Variants in MAP3K1 observed in about 807,000 individuals in gnomAD.
MAP3K1 encodes MAP/ERK kinase kinase 1.
In MAP3K1, 36 loss-of-function variants were observed where a neutral mutation model predicts 144.2. That is an observed-to-expected ratio of 0.25 (90% CI 0.19 to 0.33). The LOEUF is 0.33. Among genes scored for constraint, MAP3K1 ranks in the 10% least tolerant of loss-of-function variants. The probability of loss-of-function intolerance (pLI) is 1.00; values close to 1 mark genes in which losing one functional copy is unlikely to be tolerated. For missense variants in MAP3K1, 1,650 were observed against 1,881.9 expected, an observed-to-expected ratio of 0.88 and a Z score of 2.28; for synonymous variants, 718 against 688.7, an observed-to-expected ratio of 1.04 and a Z score of -0.67.
At chr5:56,852,497 G>GA (rs943444930) in intron 1 of MAP3K1, among the ~76,000 whole-genome samples, 2 of 152,108 alleles carry the variant, frequency 1.3e-5, no homozygotes, top group Non-Finnish European at 2.9e-5. Flanking sequence ...GGAATGTCTA[G>GA]AAACCAAAAC....
At chr5:56,827,770 A>AGG (rs1257884650) in intron 1 of MAP3K1, among the ~76,000 whole-genome samples, 1 of 152,100 alleles carries the variant, frequency 6.6e-6, no homozygotes, top group African/African-American at 2.4e-5. Context: ...AGGCTGAGGC[A>AGG]GGAGAATCAC....
chr5:56,864,915 G>C lies in MAP3K1; in HGVS notation c.1016G>C (p.Arg339Pro). Residue 339 changes from arginine to proline, a missense_variant, in exon 4 of 20, where the codon CGG becomes CCG. By Grantham distance (103) the Arg-to-Pro change is moderately radical. Coordinates refer to ENST00000399503, the MANE Select transcript of MAP3K1 (RefSeq NM_005921.2). ...GGAGACAGCCCAGACAATAAATACC[G>C]GGTGTTTATTGGGCCTCAGGTAGGA... is the stretch of plus-strand genomic sequence containing the variant. ...IGGDSPDNKY[R>P]VFIGPQNCSC... The C allele has an allele frequency of 6.2e-7, 1 of 1,613,884 alleles. No homozygotes were observed. Among genetic ancestry groups the C allele is most frequent in the Non-Finnish European group, 8.5e-7 (1 of 1,179,908 alleles).
intron 2 of MAP3K1, 81 bp from the exon 3 acceptor site, chr5:56,859,634 G>A: frequency 2.0e-6 from 2 of 1,001,478 alleles, no homozygotes; most frequent in South Asian, 1.4e-5. Flanking sequence ...CTCATTAAGT[G>A]TATTTCCTAG....
chr5:56,843,448 A>C (rs1318777272), intron 1 of MAP3K1, among the ~76,000 whole-genome samples: 1 of 152,210 alleles, frequency 6.6e-6, no homozygotes, highest in African/African-American at 2.4e-5. Flanking sequence ...ACCATTCCCC[A>C]GGCCCATTTA....
chr5:56,835,722 AAG>A (rs1491513939), intron 1 of MAP3K1, among the ~76,000 whole-genome samples: 20 of 152,036 alleles, frequency 1.3e-4, no homozygotes, highest in East Asian at 1.2e-3. Context: ...TTAAGATAAA[AAG>A]GGGGGGAATT....
At chr5:56,837,147 C>G (rs753070114) in intron 1 of MAP3K1, among the ~76,000 whole-genome samples, 1 of 151,652 alleles carries the variant, frequency 6.6e-6, no homozygotes, top group Non-Finnish European at 1.5e-5. Flanking sequence ...GAGCTAGTTC[C>G]CTTTCTTCCT....
At position 56,815,968 on chromosome 5, in the gene MAP3K1, A is replaced by G. The variant is rs2111728109; in HGVS notation, c.395A>G (p.Asp132Gly). The G allele has an allele frequency of 1.6e-6, 2 of 1,255,348 alleles. No individual in the cohort carries two copies. Among genetic ancestry groups the G allele is most frequent in the Non-Finnish European group, 2.0e-6 (2 of 1,001,484 alleles). The allele number at this position is 1,255,348 out of a possible 1,614,324, so 77.8% of individuals were successfully genotyped here. ...CTTACCGAGTCGGTGGCGGCGCCGGACAGCGGCGCCTCGAGTCCCGCAGCG... is the reference window on the plus strand; with the variant it reads ...CTTACCGAGTCGGTGGCGGCGCCGGGCAGCGGCGCCTCGAGTCCCGCAGCG... Reference protein sequence around the residue: ...AHLTESVAAPDSGASSPAAAE... With the variant: ...AHLTESVAAPGSGASSPAAAE... The change falls in exon 1 of 20, where the codon GAC becomes GGC. Residue 132 changes from aspartate (D) to glycine (G), a missense_variant. Coordinates refer to ENST00000399503, the MANE Select transcript of MAP3K1 (RefSeq NM_005921.2).
intron 1 of MAP3K1, among the ~76,000 whole-genome samples, chr5:56,828,257 T>C (rs1319611256): frequency 6.6e-6 from 1 of 152,196 alleles, no homozygotes; most frequent in African/African-American, 2.4e-5. Context: ...TTCTGTGATA[T>C]GGGATAAAGC....
At chr5:56,820,200 C>T (rs1178483558) in intron 1 of MAP3K1, among the ~76,000 whole-genome samples, 1 of 151,694 alleles carries the variant, frequency 6.6e-6, no homozygotes, top group East Asian at 1.9e-4. Flanking sequence ...TCACTGCAGC[C>T]CCCTAAGATA....
chr5:56,879,553 T>A (rs778032293), intron 11 of MAP3K1, among the ~76,000 whole-genome samples: 3 of 131,422 alleles, frequency 2.3e-5, no homozygotes, highest in Non-Finnish European at 3.5e-5. Context: ...ACTCTACTTA[T>A]GACAGTTTTG....
intron 6 of MAP3K1, among the ~76,000 whole-genome samples, chr5:56,867,924 G>A (rs1747726097): frequency 6.6e-6 from 1 of 152,258 alleles, no homozygotes; most frequent in Admixed American, 6.5e-5. Context: ...TTAAAATTAT[G>A]CTTTTGGAGA....
rs771681489 is a variant in MAP3K1, at chr5:56,881,884, A to C, written c.2684A>C (p.Glu895Ala). ...LQASVPNNYL[E>A]TTENSSPECT... ...GCATCTGTTCCCAACAACTATCTGG[A>C]AACCACAGAGAACAGTTCCCCTGAG... Residue 895 changes from glutamate to alanine, a missense_variant, in exon 14 of 20, where the codon GAA becomes GCA. Glu to Ala is a moderately radical substitution (Grantham distance 107). This residue lies in a region of MAP3K1 where 841 missense variants were observed against 886.5 expected (regional missense o/e 0.95). Transcript: ENST00000399503. 6.2e-7 allele frequency: 1 copy of C among 1,614,040 alleles called. No homozygotes were observed. The highest frequency in any genetic ancestry group is 1.3e-5 in the African/African-American group (1 of 74,926).
chr5:56,847,083 T>G (rs1171128735), intron 1 of MAP3K1, among the ~76,000 whole-genome samples: 1 of 152,206 alleles, frequency 6.6e-6, no homozygotes, highest in Non-Finnish European at 1.5e-5. Flanking sequence ...ACTAGGCAGG[T>G]GTAAAGAGAT....
At chr5:56,851,585 C>T (rs1747174546) in intron 1 of MAP3K1, among the ~76,000 whole-genome samples, 1 of 152,184 alleles carries the variant, frequency 6.6e-6, no homozygotes, top group Non-Finnish European at 1.5e-5. Context: ...ATTTCTGTCT[C>T]AGTGTTTCTA....
In MAP3K1 at chr5:56,856,596, T is replaced by G; in HGVS notation, c.483-4T>G. The stretch of plus-strand genomic sequence containing the variant: ...CATTTTATTTGTTTCTGCCTGCATT[T>G]TAGTCGTGAGATGGAGAATAAAGAA... On this transcript the variant is annotated splice_region_variant and splice_polypyrimidine_tract_variant and intron_variant, in intron 1 of 19. Transcript: ENST00000399503. 6.2e-7 allele frequency: 1 copy of G among 1,611,654 alleles called. No individual in the cohort carries two copies. The highest frequency in any genetic ancestry group is 8.5e-7 in the Non-Finnish European group (1 of 1,177,748).
chr5:56,893,525 C>T lies in MAP3K1; in HGVS notation c.4390-6C>T. 1 of 1,613,726 alleles carries T rather than the reference C, an allele frequency of 6.2e-7. No homozygotes were observed. Among genetic ancestry groups the T allele is most frequent in the Non-Finnish European group, 8.5e-7 (1 of 1,179,724 alleles). Reference sequence around the variant, plus strand: ...CAAAGCTTCAACACTGGCTTTTTCTCCACAGATTGCTAGTGCAACTACTGC... The same window carrying T: ...CAAAGCTTCAACACTGGCTTTTTCTTCACAGATTGCTAGTGCAACTACTGC... On this transcript the variant is annotated splice_region_variant and splice_polypyrimidine_tract_variant and intron_variant, in intron 19 of 19. Transcript: ENST00000399503.
At chr5:56,850,767 A>G (rs968518681) in intron 1 of MAP3K1, among the ~76,000 whole-genome samples, 2 of 152,192 alleles carry the variant, frequency 1.3e-5, no homozygotes, top group African/African-American at 4.8e-5. Context: ...GGGTGCAGTA[A>G]ATTCATACAT....
At chr5:56,889,958 G>A (rs950155967) in intron 19 of MAP3K1, among the ~76,000 whole-genome samples, 9 of 151,924 alleles carry the variant, frequency 5.9e-5, no homozygotes, top group Non-Finnish European at 1.2e-4. Context: ...TCTTTCAGAC[G>A]TCCCATGTCC....
chr5:56,820,483 G>A (rs764916692), intron 1 of MAP3K1: 1 of 984,844 alleles, frequency 1.0e-6, no homozygotes, highest in Non-Finnish European at 1.2e-6. Flanking sequence ...TATATAATAG[G>A]TATGTTTCTG....
Sources: gnomAD v4.1 joint callset for allele counts (sites outside exome capture counted in the v4.1 genomes callset) on GRCh38, gnomAD v4.1.1 for gene constraint, gnomAD v4.1.1 regional missense constraint, MANE v1.5 for transcripts, NCBI Gene and HGNC (gene_info 2026-07-23, HGNC 2026-07-21) for gene names.